The following SUPT3H variants were observed in gnomAD, a reference collection of about 807,000 sequenced individuals.
SUPT3H encodes SPT3 homolog, SAGA and STAGA complex component.
A neutral mutation model predicts 44.3 loss-of-function variants in SUPT3H; 44 were observed. The observed-to-expected ratio is 0.99, with a 90% confidence interval of 0.78 to 1.28. The LOEUF (loss-of-function observed/expected upper bound fraction) is 1.28. SUPT3H is among the 50% of genes most tolerant of loss of function. The pLI is 0.00. For missense variants in SUPT3H, 380 were observed against 387.1 expected (o/e 0.98, Z 0.15); for synonymous variants, 124 against 125.6 (o/e 0.99, Z 0.09).
intron 10 of SUPT3H, among the ~76,000 whole-genome samples, chr6:44,892,086 C>T (rs1763396572): frequency 6.6e-6 from 1 of 152,034 alleles, no homozygotes; most frequent in Non-Finnish European, 1.5e-5. Context: ...TGAGTACAAA[C>T]CATCTGGAAT....
rs947811693 is a variant in SUPT3H at position 44,917,755 on chromosome 6, G to C, written c.912+14898C>G. Among the ~76,000 whole-genome samples, 3 of 152,172 alleles carry C rather than the reference G, an allele frequency of 2.0e-5. No individual in the cohort carries two copies. In the East Asian group the frequency reaches 5.8e-4, roughly 29 times the overall value. On this transcript the variant is annotated intron_variant, in intron 10 of 10. Coordinates refer to ENST00000371459, the MANE Select transcript of SUPT3H (RefSeq NM_003599.4). ...AATAGTTTGTGAACTACGATACTGAGAGCTGTGTAATCCAAGTATTTTAAA... is the reference window on the plus strand; with the variant it reads ...AATAGTTTGTGAACTACGATACTGACAGCTGTGTAATCCAAGTATTTTAAA...
At chr6:45,375,271 G>T (rs1796622436) in intron 1 of SUPT3H, among the ~76,000 whole-genome samples, 1 of 152,158 alleles carries the variant, frequency 6.6e-6, no homozygotes, top group Admixed American at 6.5e-5. Flanking sequence ...TATATTACAA[G>T]TCCCAACAAG....
chr6:44,993,552 A>T lies in SUPT3H; in HGVS notation c.504+10101T>A, dbSNP rs962868096. On this transcript the variant is annotated intron_variant, in intron 6 of 10. Transcript: ENST00000371459. ...ACAGCTATAGCTATGGGTAAAATGT[A>T]ATTTGATAGTATAAAAAGTCACAGA... Among the ~76,000 whole-genome samples the T allele has an allele frequency of 5.9e-5, 9 of 152,286 alleles. 1 individual carries two copies. The highest frequency in any genetic ancestry group is 2.2e-4 in the African/African-American group (9 of 41,554).
intron 2 of SUPT3H, among the ~76,000 whole-genome samples, chr6:45,263,035 G>C (rs934224472): frequency 1.3e-5 from 2 of 152,162 alleles, no homozygotes; most frequent in Non-Finnish European, 2.9e-5. Context: ...ACACACTGCT[G>C]GTGGGAATGT....
intron 10 of SUPT3H, among the ~76,000 whole-genome samples, chr6:44,920,627 ACT>A (rs1768554944): frequency 6.6e-6 from 1 of 152,110 alleles, no homozygotes; most frequent in African/African-American, 2.4e-5. Flanking sequence ...AATTTGTATA[ACT>A]AGAGAAAACA....
intron 2 of SUPT3H, among the ~76,000 whole-genome samples, chr6:45,203,827 G>GC (rs1562682055): frequency 6.6e-6 from 1 of 152,172 alleles, no homozygotes; most frequent in Non-Finnish European, 1.5e-5. Flanking sequence ...TTCCAAGAAA[G>GC]CCCCCCTTGA....
chr6:45,166,317 G>A (rs1257558365), intron 2 of SUPT3H, among the ~76,000 whole-genome samples: 1 of 151,706 alleles, frequency 6.6e-6, no homozygotes, highest in Non-Finnish European at 1.5e-5. Flanking sequence ...GGCCAGGTGC[G>A]ATGGCTCACA....
intron 1 of SUPT3H, chr6:45,371,953 C>T: frequency 1.3e-5 from 10 of 785,006 alleles, no homozygotes; most frequent in Non-Finnish European, 1.5e-5. Flanking sequence ...TTTAGTGATA[C>T]AAGCTGGGAC....
chr6:45,335,408 C>T (rs928785554), intron 2 of SUPT3H, among the ~76,000 whole-genome samples: 1 of 151,198 alleles, frequency 6.6e-6, no homozygotes, highest in Non-Finnish European at 1.5e-5. Flanking sequence ...ATCACTATAA[C>T]GATCCTAGAA....
chr6:45,078,470 C>T (rs1795314059), intron 3 of SUPT3H, among the ~76,000 whole-genome samples: 1 of 152,098 alleles, frequency 6.6e-6, no homozygotes, highest in Admixed American at 6.5e-5. Context: ...TTGGGGTGTT[C>T]TTAGTTTTAT....
At chr6:45,269,881 A>G (rs1349838215) in intron 2 of SUPT3H, among the ~76,000 whole-genome samples, 2 of 152,104 alleles carry the variant, frequency 1.3e-5, no homozygotes, top group African/African-American at 4.8e-5. Flanking sequence ...ATTTCAGAAC[A>G]TTTTCATCAC....
chr6:44,914,130 G>A (rs751178391), intron 10 of SUPT3H, among the ~76,000 whole-genome samples: 12 of 152,190 alleles, frequency 7.9e-5, no homozygotes, highest in Non-Finnish European at 1.6e-4. Context: ...TAGGTAGACA[G>A]AATGGACTTC....
intron 2 of SUPT3H, among the ~76,000 whole-genome samples, chr6:45,191,655 C>A (rs545496840): frequency 2.2e-5 from 3 of 138,988 alleles, no homozygotes; most frequent in South Asian, 4.8e-4. Context: ...CAGCTCAATT[C>A]TTCTGTAAAC....
At chr6:45,266,704 G>A (rs1261816271) in intron 2 of SUPT3H, among the ~76,000 whole-genome samples, 2 of 151,908 alleles carry the variant, frequency 1.3e-5, no homozygotes, top group Non-Finnish European at 1.5e-5. Flanking sequence ...TATATTCAGA[G>A]ACACTATATT....
intron 2 of SUPT3H, among the ~76,000 whole-genome samples, chr6:45,142,392 T>C (rs1274504359): frequency 6.6e-6 from 1 of 151,948 alleles, no homozygotes. Context: ...CAACAGTACA[T>C]CACATCTCAA....
chr6:45,210,964 T>C (rs1242545371), intron 2 of SUPT3H, among the ~76,000 whole-genome samples: 1 of 152,170 alleles, frequency 6.6e-6, no homozygotes, highest in Non-Finnish European at 1.5e-5. Flanking sequence ...TAAGCTCCCA[T>C]CTGAACAAGC....
chr6:45,127,909 T>C (rs777401049), intron 2 of SUPT3H, among the ~76,000 whole-genome samples: 1 of 152,220 alleles, frequency 6.6e-6, no homozygotes, highest in Non-Finnish European at 1.5e-5. Context: ...TTTACTATCA[T>C]AGGGTGAATT....
At chr6:44,873,537 A>G (rs1776787258) in intron 10 of SUPT3H, among the ~76,000 whole-genome samples, 1 of 53,630 alleles carries the variant, frequency 1.9e-5, no homozygotes, top group Non-Finnish European at 4.0e-5. Flanking sequence ...AATGCCCACA[A>G]GAGAAAGCAG....
chr6:45,305,403 A>G (rs1292736040), intron 2 of SUPT3H, among the ~76,000 whole-genome samples: 1 of 152,248 alleles, frequency 6.6e-6, no homozygotes, highest in African/African-American at 2.4e-5. Context: ...AAGAAGTTAC[A>G]AAAGTCTTTT....
Sources: allele counts gnomAD v4.1 joint callset (sites outside exome capture counted in the v4.1 genomes callset), GRCh38; gene constraint gnomAD v4.1.1; transcripts MANE v1.5; gene names NCBI Gene and HGNC (gene_info 2026-07-23, HGNC 2026-07-21).